CACNA1H: variants seen among roughly 807,000 people sequenced by gnomAD.
CACNA1H encodes calcium voltage-gated channel subunit alpha1 H.
A neutral mutation model predicts 192.5 loss-of-function variants in CACNA1H; 149 were observed. The ratio of observed to expected loss-of-function variants is 0.77; its 90% CI spans 0.68 to 0.89. CACNA1H has a LOEUF of 0.89. Among genes scored for constraint, CACNA1H ranks in the 40% least tolerant of loss-of-function variants. The probability of loss-of-function intolerance (pLI) is 0.00; values close to 1 mark genes in which losing one functional copy is unlikely to be tolerated. For missense variants in CACNA1H, 4,257 were observed against 3,423.5 expected, an observed-to-expected ratio of 1.24 and a Z score of -6.08; for synonymous variants, 2,202 against 1,475.2, an observed-to-expected ratio of 1.49 and a Z score of -11.29.
intron 2 of CACNA1H, among the ~76,000 whole-genome samples, chr16:1,176,946 G>T (rs956574645): frequency 6.6e-6 from 1 of 152,144 alleles, no homozygotes; most frequent in Non-Finnish European, 1.5e-5. Flanking sequence ...GGGTGGCCTG[G>T]GTTTGGCTTA....
At chr16:1,206,851 G>A (rs1968778502) in intron 12 of CACNA1H, 150 bp from the exon 13 acceptor site, 2 of 581,682 alleles carry the variant, frequency 3.4e-6, no homozygotes, top group East Asian at 2.8e-5. Context: ...GAGAGCTCGG[G>A]CGCCCAGGGA....
At chr16:1,170,576 A>G (rs887055780) in intron 2 of CACNA1H, among the ~76,000 whole-genome samples, 5 of 152,092 alleles carry the variant, frequency 3.3e-5, no homozygotes, top group African/African-American at 7.2e-5. Flanking sequence ...GGGTTTTCCA[A>G]CTTTAATCAG....
In CACNA1H at chr16:1,212,083, G is replaced by A. The variant is rs967037376; in HGVS notation, c.4704G>A (p.Glu1568=). Residue 1568 remains glutamate, a synonymous_variant, in exon 25 of 35, where the codon GAG becomes GAA. Transcript: ENST00000348261. Reference sequence around the variant, plus strand: ...AGTGCCGGCAGCACCAGGAGGCGGAGGAGGCGCGGCGGCGAGAGGAGAAGC... The same window carrying A: ...AGTGCCGGCAGCACCAGGAGGCGGAAGAGGCGCGGCGGCGAGAGGAGAAGC... ...FHKCRQHQEA[E]EARRREEKRL... The A allele has an allele frequency of 1.2e-6, 2 of 1,612,400 alleles. No individual in the cohort carries two copies. Among genetic ancestry groups the A allele is most frequent in the Admixed American group, 3.3e-5 (2 of 60,000 alleles).
intron 2 of CACNA1H, among the ~76,000 whole-genome samples, chr16:1,163,452 C>T (rs573932662): frequency 1.2e-4 from 18 of 152,230 alleles, no homozygotes; most frequent in Non-Finnish European, 2.2e-4. Flanking sequence ...CCTCTGAAGC[C>T]GCAGCCACAC....
At chr16:1,156,199 A>C (rs1962357963) in intron 2 of CACNA1H, among the ~76,000 whole-genome samples, 1 of 152,192 alleles carries the variant, frequency 6.6e-6, no homozygotes, top group African/African-American at 2.4e-5. Flanking sequence ...TCCCAGCTCC[A>C]AACGCAGTGA....
At position 1,221,566 on chromosome 16, in the gene CACNA1H, C is replaced by T. The variant is rs1045489644; in HGVS notation, c.*572C>T. ...GGTGACACCTCACTAAGGGGCCGAC[C>T]CCATGGAGTAACGCGCCCGGCCCCG... On this transcript the variant is annotated 3_prime_UTR_variant, in exon 35 of 35. Coordinates refer to ENST00000348261, the MANE Select transcript of CACNA1H (RefSeq NM_021098.3). The T allele has an allele frequency of 1.1e-5, 6 of 552,238 alleles. No individual in the cohort carries two copies. The South Asian group carries it at 1.3e-4, about 12-fold the overall frequency. The allele number at this position is 552,238 out of a possible 1,614,324, so 34.2% of individuals were successfully genotyped here.
Position 1,207,411 on chromosome 16 carries a change from T to G in CACNA1H, c.3044T>G (p.Val1015Gly). Residue 1015 changes from valine to glycine, a missense_variant, in exon 14 of 35, where the codon GTG becomes GGG. Transcript: ENST00000348261. ...TTCAACCTGCTGGTGGCCATCCTCG[T>G]GGAGGGCTTCCAGGCGGAGGTGAGG... ...VLFNLLVAIL[V>G]EGFQAEGDAN... is the part of the protein sequence containing the mutation. The G allele has an allele frequency of 6.2e-7, 1 of 1,612,880 alleles. No individual in the cohort carries two copies. Among genetic ancestry groups the G allele is most frequent in the Non-Finnish European group, 8.5e-7 (1 of 1,179,738 alleles).
chr16:1,207,678 C>G, intron 14 of CACNA1H, 92 bp from the exon 15 acceptor site: 3 of 1,204,758 alleles, frequency 2.5e-6, no homozygotes, highest in Non-Finnish European at 3.6e-6. Flanking sequence ...TGTCCACACC[C>G]CACCTCCCAG....
intron 31 of CACNA1H, among the ~76,000 whole-genome samples, chr16:1,217,628 TC>T (rs2141389709): frequency 6.6e-6 from 1 of 152,082 alleles, no homozygotes; most frequent in South Asian, 2.1e-4. Context: ...CGCCTACTCA[TC>T]CCCCGCCACG....
At chr16:1,176,983 A>G (rs1964951053) in intron 2 of CACNA1H, among the ~76,000 whole-genome samples, 1 of 152,026 alleles carries the variant, frequency 6.6e-6, no homozygotes, top group Non-Finnish European at 1.5e-5. Flanking sequence ...CCAGGCTGGG[A>G]GGAGGCGCTG....
chr16:1,212,501 G>A lies in CACNA1H; in HGVS notation c.4760-10G>A. On this transcript the variant is annotated splice_polypyrimidine_tract_variant and intron_variant, in intron 25 of 34. Transcript: ENST00000348261. ...CCCTCGGCCCTCAGACCATCTCCTT[G>A]TCTTTCCAGGCACTTTCCCCAGCCC... is the stretch of plus-strand genomic sequence containing the variant. The A allele has an allele frequency of 2.5e-6, 4 of 1,610,868 alleles. No individual in the cohort carries two copies. Among genetic ancestry groups the A allele is most frequent in the Non-Finnish European group, 2.5e-6 (3 of 1,179,022 alleles).
chr16:1,210,615 C>A lies in CACNA1H; in HGVS notation c.4002C>A (p.Ile1334=). Residue 1334 remains isoleucine, a synonymous_variant, in exon 20 of 35, where the codon ATC becomes ATA. Coordinates refer to ENST00000348261, the MANE Select transcript of CACNA1H (RefSeq NM_021098.3). The part of the protein sequence containing the change: ...ERVFLSVSNY[I]FTAIFVAEMM... The stretch of plus-strand genomic sequence containing the variant: ...TCTTCCTCAGCGTCTCCAATTACAT[C>A]TTCACGGCCATCTTCGTGGCGGAGA... 1.2e-6 allele frequency: 2 copies of A among 1,607,444 alleles called. No individual in the cohort carries two copies. Among genetic ancestry groups the A allele is most frequent in the Non-Finnish European group, 1.7e-6 (2 of 1,179,808 alleles).
chr16:1,207,662 C>A, intron 14 of CACNA1H, 108 bp from the exon 15 acceptor site: 2 of 1,045,158 alleles, frequency 1.9e-6, no homozygotes, highest in Non-Finnish European at 2.9e-6. Context: ...ATCCTCTGGG[C>A]CCTTCTGTCC....
chr16:1,156,202 C>T (rs1384895847), intron 2 of CACNA1H, among the ~76,000 whole-genome samples: 2 of 152,190 alleles, frequency 1.3e-5, no homozygotes, highest in African/African-American at 2.4e-5. Context: ...CAGCTCCAAA[C>T]GCAGTGATGG....
In CACNA1H at chr16:1,153,907, A is replaced by G; in HGVS notation, c.170A>G (p.Glu57Gly). Residue 57 changes from glutamate to glycine, a missense_variant, in exon 2 of 35, where the codon GAG becomes GGG. Transcript: ENST00000348261. The stretch of plus-strand genomic sequence containing the variant: ...TCACCCTCCGAGAGCCCGGCGGCCG[A>G]GCGCGGCGCGGAGCTGGGTGCCGAC... ...GVSPSESPAA[E>G]RGAELGADEE... The G allele has an allele frequency of 6.9e-7, 1 of 1,451,066 alleles. No individual in the cohort carries two copies. Among genetic ancestry groups the G allele is most frequent in the Non-Finnish European group, 9.1e-7 (1 of 1,102,688 alleles). The allele number at this position is 1,451,066 out of a possible 1,614,324, so 89.9% of individuals were successfully genotyped here. A position where few individuals can be genotyped will look rare whatever the true frequency, so the allele number is the denominator to read the frequency against.
Position 1,202,360 on chromosome 16 carries a change from C to T in CACNA1H, c.1910C>T (p.Ala637Val), listed in dbSNP as rs943888240. ...STSPGPKGKWAGGPPGTGGHG... is the reference protein window; with the variant it reads ...STSPGPKGKWVGGPPGTGGHG... ...AGCCCCGGACCCAAGGGGAAGTGGG[C>T]CGGTGGACCGCCAGGCACCGGGGGG... The change falls in exon 9 of 35, where the codon GCC (alanine) becomes GTC (valine). Residue 637 changes from alanine (A) to valine (V), a missense_variant. Coordinates refer to ENST00000348261, the MANE Select transcript of CACNA1H (RefSeq NM_021098.3). The T allele has an allele frequency of 1.3e-6, 2 of 1,563,124 alleles. No individual in the cohort carries two copies. The highest frequency in any genetic ancestry group is 1.9e-5 in the Admixed American group (1 of 52,764).
At chr16:1,196,055 C>G (rs575123499) in intron 5 of CACNA1H, 32 bp downstream of exon 5, 8 of 1,556,386 alleles carry the variant, frequency 5.1e-6, no homozygotes, top group Non-Finnish European at 7.1e-6. Flanking sequence ...GGCTTGAGAT[C>G]AACAGGCTTG....
chr16:1,202,005 TACCACCACCATC>T lies in CACNA1H; in HGVS notation c.1566_1577del (p.His525_His528del). 1 of 1,538,598 alleles carries T rather than the reference TACCACCACCATC, an allele frequency of 6.5e-7. No individual in the cohort carries two copies. Among genetic ancestry groups the T allele is most frequent in the Non-Finnish European group, 8.7e-7 (1 of 1,143,698 alleles). ...CACAGCCTCGGTGCACCACCTGGTC[TACCACCACCATC>T]ACCACCACCACCACCACTACCATTT... On this transcript the variant is annotated inframe_deletion, in exon 9 of 35. Coordinates refer to ENST00000348261, the MANE Select transcript of CACNA1H (RefSeq NM_021098.3).
At position 1,221,001 on chromosome 16, in the gene CACNA1H, GC is replaced by G; in HGVS notation, c.*8del. 6.4e-7 allele frequency: 1 copy of G among 1,556,706 alleles called. No individual in the cohort carries two copies. Among genetic ancestry groups the G allele is most frequent in the Non-Finnish European group, 8.7e-7 (1 of 1,154,904 alleles). Reference sequence around the variant, plus strand: ...TGCAGATGACCCCGTGTAGCTCGGGGCTTGGTGCCGCCCACGGCTTTGGCCC... The same window carrying G: ...TGCAGATGACCCCGTGTAGCTCGGGGTTGGTGCCGCCCACGGCTTTGGCCC... On this transcript the variant is annotated 3_prime_UTR_variant, in exon 35 of 35. Transcript: ENST00000348261.
Sources: allele counts gnomAD v4.1 joint callset (sites outside exome capture counted in the v4.1 genomes callset), GRCh38; gene constraint gnomAD v4.1.1; transcripts MANE v1.5; gene names NCBI Gene and HGNC (gene_info 2026-07-23, HGNC 2026-07-21).